MLPH: variants seen among roughly 807,000 people sequenced by gnomAD.
MLPH encodes the protein melanophilin.
MLPH carries 51 observed loss-of-function variants against 72.1 expected under a neutral mutation model. The observed-to-expected ratio is 0.71, with a 90% CI of 0.56 to 0.89. MLPH has a LOEUF of 0.89. MLPH is among the 40% of genes least tolerant of loss of function. MLPH has a pLI of 0.00. For synonymous variants in MLPH, 301 were observed against 310.1 expected, an observed-to-expected ratio of 0.97 and a Z score of 0.31; for missense variants, 743 against 759.9, an observed-to-expected ratio of 0.98 and a Z score of 0.26.
At chr2:237,550,044 C>T (rs2081000747) in intron 14 of MLPH, among the ~76,000 whole-genome samples, 1 of 152,214 alleles carries the variant, frequency 6.6e-6, no homozygotes, top group South Asian at 2.1e-4. Flanking sequence ...CCAGCCTGCC[C>T]CCTACTACAC....
At chr2:237,504,463 C>T (rs1397097096) in intron 2 of MLPH, among the ~76,000 whole-genome samples, 2 of 152,138 alleles carry the variant, frequency 1.3e-5, no homozygotes, top group African/African-American at 4.8e-5. Flanking sequence ...GGTGATCCAC[C>T]CACCTTGGCC....
intron 14 of MLPH, among the ~76,000 whole-genome samples, chr2:237,551,452 A>G (rs2081039122): frequency 6.6e-6 from 1 of 152,248 alleles, no homozygotes; most frequent in Admixed American, 6.5e-5. Context: ...GGTCAGGAAG[A>G]GGTGCCCACA....
intron 9 of MLPH, among the ~76,000 whole-genome samples, chr2:237,534,869 G>A (rs1021347542): frequency 6.6e-6 from 1 of 152,170 alleles, no homozygotes; most frequent in Non-Finnish European, 1.5e-5. Context: ...CATGCCCAGA[G>A]CTTGAATGAG....
In MLPH at chr2:237,522,626, G is replaced by A. The variant is rs540980028; in HGVS notation, c.675+2597G>A. On this transcript the variant is annotated intron_variant, in intron 6 of 15. Coordinates refer to ENST00000264605, the MANE Select transcript of MLPH (RefSeq NM_024101.7). The stretch of plus-strand genomic sequence containing the variant: ...GGAGTAGAACTGAAACTGGGGTTGG[G>A]CCTTCAAACACCTGCTGCAACTATA... Among the ~76,000 whole-genome samples the A allele has an allele frequency of 7.8e-4, 114 of 145,386 alleles. 4 individuals carry two copies. Among genetic ancestry groups the A allele is most frequent in the African/African-American group, 2.6e-3 (104 of 39,450 alleles).
intron 4 of MLPH, 93 bp downstream of exon 4, chr2:237,511,194 G>C (rs917818773): frequency 3.2e-6 from 3 of 931,160 alleles, no homozygotes; most frequent in South Asian, 1.3e-5. Flanking sequence ...GTGTGTGTAC[G>C]TGTGTGTGTG....
chr2:237,521,935 A>T (rs2080194220), intron 6 of MLPH, among the ~76,000 whole-genome samples: 1 of 98,810 alleles, frequency 1.0e-5, no homozygotes, highest in Non-Finnish European at 2.1e-5. Flanking sequence ...GGAGCGGAGC[A>T]GGGCTGAGAC....
intron 4 of MLPH, among the ~76,000 whole-genome samples, chr2:237,517,487 GTGGATAGA>G (rs2080065853): frequency 6.6e-6 from 1 of 151,278 alleles, no homozygotes; most frequent in African/African-American, 2.4e-5. Flanking sequence ...AAGTGGATGG[GTGGATAGA>G]TGGATAGATG....
chr2:237,538,926 A>T lies in MLPH; in HGVS notation c.1105-1422A>T, dbSNP rs558234127. ...CACTGAGCGTGGGATTTGCCCAAAG[A>T]GCTGGCAGAGGTGCCGGGGCTGCCG... On this transcript the variant is annotated intron_variant, in intron 9 of 15. Coordinates refer to ENST00000264605, the MANE Select transcript of MLPH (RefSeq NM_024101.7). Among the ~76,000 whole-genome samples, 180 of 152,340 alleles carry T rather than the reference A, an allele frequency of 1.2e-3. No individual in the cohort carries two copies. In the Middle Eastern group the frequency reaches 0.017, roughly 14 times the overall value.
Position 237,510,257 on chromosome 2 carries a change from C to T in MLPH, c.111-317C>T, listed in dbSNP as rs116802169. The T allele has an allele frequency of 2.7e-3, 1,093 of 401,596 alleles. 14 individuals carry two copies. The highest frequency in any genetic ancestry group is 0.021 in the African/African-American group (1,001 of 48,720). The allele number at this position is 401,596 out of a possible 1,614,324, so 24.9% of individuals were successfully genotyped here. A position where few individuals can be genotyped will look rare whatever the true frequency, so the allele number is the denominator to read the frequency against. On this transcript the variant is annotated intron_variant, in intron 2 of 15. Coordinates refer to ENST00000264605, the MANE Select transcript of MLPH (RefSeq NM_024101.7). The surrounding 1 kb of genome is among the most constrained non-coding windows in gnomAD (Gnocchi z 4.4). ...GATTCTGTGACTGCCCTGGGGAGGG[C>T]GCAGTGACCTGCCAACCAAAATTGG...
At chr2:237,536,189 A>C (rs1249376743) in intron 9 of MLPH, among the ~76,000 whole-genome samples, 3 of 152,160 alleles carry the variant, frequency 2.0e-5, no homozygotes, top group Non-Finnish European at 4.4e-5. Flanking sequence ...CAGAGCACAC[A>C]GGCCCCAAGT....
intron 4 of MLPH, among the ~76,000 whole-genome samples, chr2:237,516,013 G>T (rs955818677): frequency 6.6e-6 from 1 of 152,238 alleles, no homozygotes; most frequent in Non-Finnish European, 1.5e-5. Flanking sequence ...CCCTGCACCC[G>T]CAGTCCTGCT....
At chr2:237,538,822 G>C (rs1050324034) in intron 9 of MLPH, among the ~76,000 whole-genome samples, 1 of 152,228 alleles carries the variant, frequency 6.6e-6, no homozygotes, top group African/African-American at 2.4e-5. Context: ...AGGAGGTGGA[G>C]GAAGGTACAG....
chr2:237,487,010 C>T (rs2106439042), upstream of MLPH, among the ~76,000 whole-genome samples: 1 of 152,310 alleles, frequency 6.6e-6, no homozygotes, highest in South Asian at 2.1e-4. Flanking sequence ...CCGCAACTCA[C>T]GGGAATCGCA....
intron 4 of MLPH, among the ~76,000 whole-genome samples, chr2:237,514,272 GT>G (rs906120109): frequency 1.6e-4 from 24 of 150,902 alleles, no homozygotes; most frequent in Middle Eastern, 3.4e-3. Context: ...TATTTTTAAT[GT>G]TTTTTTTTAG....
At chr2:237,497,841 C>G (rs1054595995) in intron 2 of MLPH, among the ~76,000 whole-genome samples, 1 of 152,194 alleles carries the variant, frequency 6.6e-6, no homozygotes, top group Non-Finnish European at 1.5e-5. Context: ...TCCTCGGGGT[C>G]CTCATGTCTG....
intron 6 of MLPH, among the ~76,000 whole-genome samples, chr2:237,520,588 G>T (rs2080161619): frequency 6.6e-6 from 1 of 152,204 alleles, no homozygotes; most frequent in Non-Finnish European, 1.5e-5. Context: ...TTTGTCCCTG[G>T]AACCTCTTCA....
chr2:237,523,895 A>G (rs2080242891), intron 6 of MLPH, among the ~76,000 whole-genome samples: 1 of 150,060 alleles, frequency 6.7e-6, no homozygotes, highest in Non-Finnish European at 1.5e-5. Flanking sequence ...TACTGGGAGC[A>G]GTGTTTGAAG....
intron 9 of MLPH, among the ~76,000 whole-genome samples, chr2:237,536,115 C>T (rs960944592): frequency 3.9e-5 from 6 of 152,170 alleles, no homozygotes; most frequent in African/African-American, 1.4e-4. Flanking sequence ...TTTCTTGGGG[C>T]CAGGGCTCCG....
intron 1 of MLPH, among the ~76,000 whole-genome samples, chr2:237,492,620 C>T (rs950850384): frequency 6.6e-6 from 1 of 152,158 alleles, no homozygotes; most frequent in African/African-American, 2.4e-5. Flanking sequence ...GTAAATAAAT[C>T]TCAGCACCTA....
Sources: gnomAD v4.1 joint callset for allele counts (sites outside exome capture counted in the v4.1 genomes callset) on GRCh38, gnomAD v4.1.1 for gene constraint, Gnocchi (gnomAD v3.1) non-coding constraint, MANE v1.5 for transcripts, NCBI Gene and HGNC (gene_info 2026-07-23, HGNC 2026-07-21) for gene names.